The following PCDH12 variants were observed in gnomAD, a reference collection of about 807,000 sequenced individuals.
PCDH12 encodes the protein protocadherin-12.
In PCDH12, 45 loss-of-function variants were observed where a neutral mutation model predicts 70.9. The observed-to-expected ratio is 0.63, with a 90% CI of 0.50 to 0.81. PCDH12 has a LOEUF of 0.81. Ranked by LOEUF, PCDH12 falls within the 40% of genes least tolerant of loss-of-function variation. The probability of loss-of-function intolerance (pLI) is 0.00; values close to 1 mark genes in which losing one functional copy is unlikely to be tolerated. For missense variants in PCDH12, 1,370 were observed against 1,491.7 expected, an observed-to-expected ratio of 0.92 and a Z score of 1.34; for synonymous variants, 567 against 626.0, an observed-to-expected ratio of 0.91 and a Z score of 1.41.
rs751115730 is a variant in PCDH12 at position 141,951,609 on chromosome 5, C to T, written c.2881-19G>A. The T allele has an allele frequency of 6.4e-7, 1 of 1,569,812 alleles. No individual in the cohort carries two copies. Among genetic ancestry groups the T allele is most frequent in the East Asian group, 2.2e-5 (1 of 44,642 alleles). ...AGATTTGCTACAAGACAGGAAAAATCTGTTGACTCCACACAATTCCGACTC... is the reference window on the plus strand; with the variant it reads ...AGATTTGCTACAAGACAGGAAAAATTTGTTGACTCCACACAATTCCGACTC... On this transcript the variant is annotated intron_variant, in intron 1 of 3. Transcript: ENST00000231484.
intron 2 of PCDH12, 29 bp from the exon 3 acceptor site, chr5:141,949,612 T>A: frequency 6.2e-7 from 1 of 1,606,914 alleles, no homozygotes; most frequent in Non-Finnish European, 8.5e-7. Flanking sequence ...AGTCCATGGG[T>A]AGGGACATTC....
intron 2 of PCDH12, 118 bp downstream of exon 2, chr5:141,951,375 C>G (rs1225463599): frequency 2.7e-6 from 2 of 747,782 alleles, no homozygotes; most frequent in East Asian, 5.0e-5. Flanking sequence ...GTCTGCTGCA[C>G]CCTCCCAGGG....
At position 141,957,757 on chromosome 5, in the gene PCDH12, A is replaced by G; in HGVS notation, c.95T>C (p.Val32Ala). Residue 32 changes from valine to alanine, a missense_variant, in exon 1 of 4, where the codon GTG becomes GCG. By Grantham distance (64) the Val-to-Ala change is moderately conservative. Coordinates refer to ENST00000231484, the MANE Select transcript of PCDH12 (RefSeq NM_016580.4). This position sits in a 1 kb window ranked among gnomAD's most constrained non-coding sequence, Gnocchi z 4.3. Reference protein sequence around the residue: ...GDCQEVTTLTVKYQVSEEVPS... With the variant: ...GDCQEVTTLTAKYQVSEEVPS... ...CACTTCCTCTGACACTTGGTATTTC[A>G]CCGTGAGAGTGGTCACCTCCTGACA... 1 of 1,612,242 alleles carries G rather than the reference A, an allele frequency of 6.2e-7. No individual in the cohort carries two copies. Among genetic ancestry groups the G allele is most frequent in the South Asian group, 1.1e-5 (1 of 91,082 alleles).
In PCDH12 at chr5:141,957,947, T is replaced by G; in HGVS notation, c.-96A>C. On this transcript the variant is annotated 5_prime_UTR_variant, in exon 1 of 4. Coordinates refer to ENST00000231484, the MANE Select transcript of PCDH12 (RefSeq NM_016580.4). This position sits in a 1 kb window ranked among gnomAD's most constrained non-coding sequence, Gnocchi z 4.3. ...TTCCTGGATGGCTTGATCAGCCCCG[T>G]GCTCCTTCCCCCAGAGCTGCCGGCA... 7.0e-7 allele frequency: 1 copy of G among 1,418,506 alleles called. No individual in the cohort carries two copies. The highest frequency in any genetic ancestry group is 9.5e-7 in the Non-Finnish European group (1 of 1,054,566). The allele number at this position is 1,418,506 out of a possible 1,614,324, so 87.9% of individuals were successfully genotyped here. A position where few individuals can be genotyped will look rare whatever the true frequency, so the allele number is the denominator to read the frequency against.
rs746431288 is a variant in PCDH12 at position 141,956,409 on chromosome 5, G to A, written c.1443C>T (p.Thr481=). The A allele has an allele frequency of 1.9e-6, 3 of 1,614,248 alleles. No homozygotes were observed. Among genetic ancestry groups the A allele is most frequent in the Non-Finnish European group, 2.5e-6 (3 of 1,180,042 alleles). The change falls in exon 1 of 4, where the codon ACC becomes ACT. Residue 481 remains threonine (T), a synonymous_variant. Coordinates refer to ENST00000231484, the MANE Select transcript of PCDH12 (RefSeq NM_016580.4). The part of the protein sequence containing the change: ...ENNLPSLHLI[T]IKAHDADLGI... ...CCAAGTCTGCATCATGAGCCTTGAT[G>A]GTAATGAGGTGAAGAGAGGGTAAGT...
intron 2 of PCDH12, 70 bp from the exon 3 acceptor site, chr5:141,949,653 A>C: frequency 6.5e-7 from 1 of 1,545,088 alleles, no homozygotes; most frequent in African/African-American, 1.4e-5. Context: ...ATGCCCATTC[A>C]TGTTTGCATT....
At position 141,957,884 on chromosome 5, in the gene PCDH12, A is replaced by G. The variant is rs1753214581; in HGVS notation, c.-33T>C. 1 of 1,574,120 alleles carries G rather than the reference A, an allele frequency of 6.4e-7. No individual in the cohort carries two copies. Among genetic ancestry groups the G allele is most frequent in the Non-Finnish European group, 8.6e-7 (1 of 1,165,842 alleles). On this transcript the variant is annotated 5_prime_UTR_variant, in exon 1 of 4. Coordinates refer to ENST00000231484, the MANE Select transcript of PCDH12 (RefSeq NM_016580.4). This position sits in a 1 kb window ranked among gnomAD's most constrained non-coding sequence, Gnocchi z 4.3. ...GCCAAGTGGGCTAGATTCAGAAACC[A>G]CTAGAGTTCTTTCAAGGCTGGACAA...
chr5:141,955,431 G>A lies in PCDH12; in HGVS notation c.2421C>T (p.Gly807=). The change falls in exon 1 of 4, where the codon GGC becomes GGT. Residue 807 remains glycine (G), a synonymous_variant. Transcript: ENST00000231484. This position sits in a 1 kb window ranked among gnomAD's most constrained non-coding sequence, Gnocchi z 5.5. The stretch of plus-strand genomic sequence containing the variant: ...AGGGGGCCTGCAGGCAGGGGTCCCA[G>A]CCTGCTTCCATCATCGCCTCCTTGT... ...DVDKEAMMEA[G]WDPCLQAPFH... The A allele has an allele frequency of 6.2e-7, 1 of 1,614,052 alleles. No individual in the cohort carries two copies. Among genetic ancestry groups the A allele is most frequent in the Non-Finnish European group, 8.5e-7 (1 of 1,179,996 alleles).
intron 3 of PCDH12, among the ~76,000 whole-genome samples, chr5:141,946,653 G>A (rs892307338): frequency 6.6e-6 from 1 of 152,198 alleles, no homozygotes; most frequent in African/African-American, 2.4e-5. Flanking sequence ...GAGTCAGGCT[G>A]GGGAGGGGCT....
chr5:141,945,613 G>A lies in PCDH12; in HGVS notation c.3323C>T (p.Thr1108Ile), dbSNP rs1338735135. ...LSPTGTRLASTFVSEMSSLLE... is the reference protein window; with the variant it reads ...LSPTGTRLASIFVSEMSSLLE... ...CAGTGAGCTCATCTCCGAGACAAAG[G>A]TGCTGGCCAGCCTCGTGCCTGTTGG... Residue 1108 changes from threonine (T) to isoleucine (I), a missense_variant, in exon 4 of 4, where the codon ACC (threonine) becomes ATC (isoleucine). Coordinates refer to ENST00000231484, the MANE Select transcript of PCDH12 (RefSeq NM_016580.4). 1 of 1,614,100 alleles carries A rather than the reference G, an allele frequency of 6.2e-7. No homozygotes were observed. The highest frequency in any genetic ancestry group is 8.5e-7 in the Non-Finnish European group (1 of 1,180,048).
intron 3 of PCDH12, among the ~76,000 whole-genome samples, chr5:141,946,507 C>G (rs910604717): frequency 1.3e-5 from 2 of 152,182 alleles, no homozygotes; most frequent in Admixed American, 1.3e-4. Context: ...GGCCCTTCCT[C>G]CCCCTGGATA....
chr5:141,956,633 C>T lies in PCDH12; in HGVS notation c.1219G>A (p.Gly407Ser). 2 of 1,614,152 alleles carry T rather than the reference C, an allele frequency of 1.2e-6. No homozygotes were observed. Among genetic ancestry groups the T allele is most frequent in the South Asian group, 2.2e-5 (2 of 91,080 alleles). Residue 407 changes from glycine to serine, a missense_variant, in exon 1 of 4, where the codon GGC becomes AGC. Coordinates refer to ENST00000231484, the MANE Select transcript of PCDH12 (RefSeq NM_016580.4). ...TTGGTTAGCAACATGTATGTGTTGC[C>T]ATTAGTTCTTTTCAGCCTGAAGTGG... is the stretch of plus-strand genomic sequence containing the variant. ...LGHFRLKRTN[G>S]NTYMLLTNAT...
At chr5:141,947,658 T>A (rs1752973437) in intron 3 of PCDH12, among the ~76,000 whole-genome samples, 1 of 152,038 alleles carries the variant, frequency 6.6e-6, no homozygotes, top group Admixed American at 6.6e-5. Flanking sequence ...TCTTGTGGAG[T>A]TGTTGTGAGG....
rs1752848971 is a variant in PCDH12, at chr5:141,944,288, CT to C, written c.*1092del. ...GGGGTTGGGAAAGATGACATCCGCA[CT>C]TGAAGAGCTACTTGTTGGGAAAGAA... On this transcript the variant is annotated 3_prime_UTR_variant, in exon 4 of 4. Coordinates refer to ENST00000231484, the MANE Select transcript of PCDH12 (RefSeq NM_016580.4). 6.6e-6 allele frequency: 1 copy of C among 152,272 alleles called. No homozygotes were observed. The highest frequency in any genetic ancestry group is 2.1e-4 in the South Asian group (1 of 4,836). 9.4% of individuals were successfully genotyped at this position (152,272 alleles called of 1,614,324 possible). A position where few individuals can be genotyped will look rare whatever the true frequency, so the allele number is the denominator to read the frequency against.
rs143178435 is a variant in PCDH12 at position 141,950,032 on chromosome 5, A to G, written c.2979-449T>C. On this transcript the variant is annotated intron_variant, in intron 2 of 3. Transcript: ENST00000231484. ...GAAGGCTGGGATTTTTGCCTGTCTC[A>G]TTGCCTGCTCCCTTACTGATGCTCA... 1.3e-3 allele frequency among the ~76,000 whole-genome samples: 204 copies of G among 152,304 alleles called. 1 individual carries two copies. Among genetic ancestry groups the G allele is most frequent in the Non-Finnish European group, 2.2e-3 (147 of 68,016 alleles).
Position 141,956,337 on chromosome 5 carries a change from A to G in PCDH12, c.1515T>C (p.Ala505=), listed in dbSNP as rs139880464. The G allele has an allele frequency of 6.8e-6, 11 of 1,614,104 alleles. No homozygotes were observed. The African/African-American group carries it at 1.3e-4, about 20-fold the overall frequency. Reference sequence around the variant, plus strand: ...TGTTGGAGTCAATAGCTACTAAGTGAGCAACTGGGGAGTCCTGGATGCGGT... The same window carrying G: ...TGTTGGAGTCAATAGCTACTAAGTGGGCAACTGGGGAGTCCTGGATGCGGT... ...VSYRIQDSPV[A]HLVAIDSNTG... Residue 505 remains alanine, a synonymous_variant, in exon 1 of 4, where the codon GCT becomes GCC. Transcript: ENST00000231484.
intron 3 of PCDH12, among the ~76,000 whole-genome samples, chr5:141,949,009 T>C (rs35896457): frequency 0.062 from 9,349 of 149,646 alleles, 368 homozygotes; most frequent in Middle Eastern, 0.13. Context: ...AGCCCAGGAG[T>C]TGGAGACCAG....
At position 141,945,145 on chromosome 5, in the gene PCDH12, TATCTC is replaced by T. The variant is rs537319572; in HGVS notation, c.*231_*235del. 7.2e-3 allele frequency: 4,135 copies of T among 572,004 alleles called. 31 individuals carry two copies. The highest frequency in any genetic ancestry group is 0.014 in the Middle Eastern group (31 of 2,168). 35.4% of individuals were successfully genotyped at this position (572,004 alleles called of 1,614,324 possible). ...CACATATGTTTTGCCAGGAAACACT[TATCTC>T]AGCCACAAACCGTCCCTGTCCTCCA... On this transcript the variant is annotated 3_prime_UTR_variant, in exon 4 of 4. Transcript: ENST00000231484.
Position 141,955,478 on chromosome 5 carries a change from C to G in PCDH12, c.2374G>C (p.Gly792Arg). ...TTGTCCACATCTTTGTGGGACTGCC[C>G]GACTTCACAAGGCTCACCTGCCTGA... ...RGQAGEPCEV[G>R]QSHKDVDKEA... The change falls in exon 1 of 4, where the codon GGG becomes CGG. Residue 792 changes from glycine (G) to arginine (R), a missense_variant. Coordinates refer to ENST00000231484, the MANE Select transcript of PCDH12 (RefSeq NM_016580.4). The surrounding 1 kb of genome is among the most constrained non-coding windows in gnomAD (Gnocchi z 5.5). 6.2e-7 allele frequency: 1 copy of G among 1,614,072 alleles called. No homozygotes were observed. The highest frequency in any genetic ancestry group is 8.5e-7 in the Non-Finnish European group (1 of 1,179,980).
Sources: allele counts gnomAD v4.1 joint callset (sites outside exome capture counted in the v4.1 genomes callset), GRCh38; gene constraint gnomAD v4.1.1; non-coding constraint Gnocchi (gnomAD v3.1); transcripts MANE v1.5; gene names NCBI Gene and HGNC (gene_info 2026-07-23, HGNC 2026-07-21).